SPHKAP: variants seen among roughly 807,000 people sequenced by gnomAD.
SPHKAP encodes the protein SPHK1 interactor, AKAP domain containing, also known as A-kinase anchor protein SPHKAP.
SPHKAP carries 67 observed loss-of-function variants against 137.5 expected under a neutral mutation model. The ratio of observed to expected loss-of-function variants is 0.49; its 90% CI spans 0.40 to 0.60. The LOEUF (loss-of-function observed/expected upper bound fraction) is 0.60, where lower values mean the gene tolerates loss of function less well. Among genes scored for constraint, SPHKAP ranks in the 20% least tolerant of loss-of-function variants. The pLI is 0.00. For synonymous variants in SPHKAP, 813 were observed against 785.3 expected (o/e 1.04, Z -0.59); for missense variants, 2,097 against 2,069.3 (o/e 1.01, Z -0.26).
At chr2:228,092,477 GTATA>G (rs1559169380) in intron 3 of SPHKAP, among the ~76,000 whole-genome samples, 1 of 7,688 alleles carries the variant, frequency 1.3e-4, no homozygotes, top group African/African-American at 6.6e-4. Context: ...CCATATATAT[GTATA>G]CATATATGTG....
intron 2 of SPHKAP, among the ~76,000 whole-genome samples, chr2:228,115,543 G>A (rs951689576): frequency 3.3e-5 from 5 of 151,964 alleles, no homozygotes; most frequent in African/African-American, 9.7e-5. Flanking sequence ...TTAACAATTA[G>A]CAATTATTTA....
intron 1 of SPHKAP, among the ~76,000 whole-genome samples, chr2:228,156,121 G>A (rs1700100772): frequency 6.6e-6 from 1 of 152,164 alleles, no homozygotes; most frequent in Admixed American, 6.6e-5. Context: ...TTTGTAATAA[G>A]ATCTTTTATG....
rs181465483 is a variant in SPHKAP at position 228,130,094 on chromosome 2, C to A, written c.138+1886G>T. Among the ~76,000 whole-genome samples the A allele has an allele frequency of 8.0e-3, 1,220 of 152,232 alleles. 5 individuals carry two copies. The highest frequency in any genetic ancestry group is 0.014 in the Admixed American group (215 of 15,290). Reference sequence around the variant, plus strand: ...TACAGGCATGAGCGACCGTGCCCAGCACCAGTTTTAATTTTTTGAGTAGAC... The same window carrying A: ...TACAGGCATGAGCGACCGTGCCCAGAACCAGTTTTAATTTTTTGAGTAGAC... On this transcript the variant is annotated intron_variant, in intron 2 of 11. Coordinates refer to ENST00000392056, the MANE Select transcript of SPHKAP (RefSeq NM_001142644.2).
chr2:228,145,655 T>C (rs1171803463), intron 1 of SPHKAP, among the ~76,000 whole-genome samples: 2 of 152,086 alleles, frequency 1.3e-5, no homozygotes, highest in Non-Finnish European at 2.9e-5. Context: ...TGTTAGGTAT[T>C]AAAAAATTAT....
intron 1 of SPHKAP, among the ~76,000 whole-genome samples, chr2:228,170,879 T>C (rs941864034): frequency 6.6e-6 from 1 of 152,140 alleles, no homozygotes; most frequent in African/African-American, 2.4e-5. Flanking sequence ...AGAAAAGGTA[T>C]ATGCAATAAA....
intron 3 of SPHKAP, among the ~76,000 whole-genome samples, chr2:228,029,507 C>T (rs192969405): frequency 6.6e-6 from 1 of 152,316 alleles, no homozygotes; most frequent in Admixed American, 6.5e-5. Context: ...GATGCACCAT[C>T]TGCCTGTTAA....
chr2:228,021,901 GT>G lies in SPHKAP; in HGVS notation c.506del (p.Asn169ThrfsTer11). 1 of 1,614,126 alleles carries G rather than the reference GT, an allele frequency of 6.2e-7. No individual in the cohort carries two copies. Among genetic ancestry groups the G allele is most frequent in the Non-Finnish European group, 8.5e-7 (1 of 1,179,974 alleles). On this transcript the variant is annotated frameshift_variant, in exon 6 of 12. Transcript: ENST00000392056. LOFTEE classifies it high-confidence loss of function. ...ATTTGTTGATTTCAAAGATGATGCA[GT>G]TGGTACTGTTTGGTCTGTTCCCTCT... ...CARGNRPNST[N>X]CIIFEINKFL... is the part of the protein sequence containing the mutation.
chr2:228,171,500 A>C (rs1700583772), intron 1 of SPHKAP, among the ~76,000 whole-genome samples: 1 of 152,138 alleles, frequency 6.6e-6, no homozygotes, highest in South Asian at 2.1e-4. Context: ...TCTTCTTAGG[A>C]AGAAATAGTT....
At chr2:228,032,820 C>G in intron 3 of SPHKAP, among the ~76,000 whole-genome samples, 2 of 152,080 alleles carry the variant, frequency 1.3e-5, no homozygotes. Context: ...TACAGACAAG[C>G]AAATACTGAG....
At chr2:228,161,439 A>G (rs1700270258) in intron 1 of SPHKAP, among the ~76,000 whole-genome samples, 1 of 152,208 alleles carries the variant, frequency 6.6e-6, no homozygotes, top group Non-Finnish European at 1.5e-5. Context: ...AGTTCGTAAG[A>G]TATTTGCTCA....
intron 5 of SPHKAP, 111 bp downstream of exon 5, chr2:228,025,283 G>C: frequency 8.6e-7 from 1 of 1,160,732 alleles, no homozygotes; most frequent in Non-Finnish European, 1.2e-6. Flanking sequence ...AAGACACTTT[G>C]ATTCCTATGT....
At position 228,181,518 on chromosome 2, in the gene SPHKAP, A is replaced by G; in HGVS notation, c.32+49T>C. 1 of 1,613,890 alleles carries G rather than the reference A, an allele frequency of 6.2e-7. No homozygotes were observed. Among genetic ancestry groups the G allele is most frequent in the Non-Finnish European group, 8.5e-7 (1 of 1,179,786 alleles). On this transcript the variant is annotated intron_variant, in intron 1 of 11. Transcript: ENST00000392056. This position sits in a 1 kb window ranked among gnomAD's most constrained non-coding sequence, Gnocchi z 4.3. ...GTTGGTGAGCGACTCACAACGCGGA[A>G]CGGAGTTTGATCGACATGGTATTGG...
intron 2 of SPHKAP, among the ~76,000 whole-genome samples, chr2:228,111,581 T>C (rs1364280296): frequency 6.6e-6 from 1 of 152,222 alleles, no homozygotes; most frequent in African/African-American, 2.4e-5. Flanking sequence ...GTAGTATTAA[T>C]AGTTACAGCT....
At chr2:228,016,282 T>C (rs1451468256) in intron 7 of SPHKAP, 124 bp downstream of exon 7, 8 of 1,447,886 alleles carry the variant, frequency 5.5e-6, no homozygotes, top group Non-Finnish European at 7.2e-6. Flanking sequence ...TTTTTTTTTT[T>C]TGGTCTTGAA....
intron 3 of SPHKAP, among the ~76,000 whole-genome samples, chr2:228,060,072 A>T (rs1696584705): frequency 6.6e-6 from 1 of 152,184 alleles, no homozygotes; most frequent in South Asian, 2.1e-4. Flanking sequence ...GACAATTCTG[A>T]TGCTATAGTC....
At chr2:228,094,050 C>A (rs894448463) in intron 3 of SPHKAP, among the ~76,000 whole-genome samples, 6 of 151,858 alleles carry the variant, frequency 4.0e-5, no homozygotes, top group Non-Finnish European at 7.4e-5. Flanking sequence ...GAATAACCAA[C>A]AATCTAAATA....
intron 1 of SPHKAP, among the ~76,000 whole-genome samples, chr2:228,157,547 T>C (rs1215759283): frequency 6.6e-6 from 1 of 152,200 alleles, no homozygotes; most frequent in Non-Finnish European, 1.5e-5. Context: ...GCTGGATAAT[T>C]AGCAATAGTA....
chr2:228,087,406 T>C (rs1697573275), intron 3 of SPHKAP, among the ~76,000 whole-genome samples: 1 of 152,028 alleles, frequency 6.6e-6, no homozygotes, highest in South Asian at 2.1e-4. Flanking sequence ...TGCAAAGAAA[T>C]AAGAACATGT....
At chr2:228,014,910 T>A (rs953269854) in intron 7 of SPHKAP, among the ~76,000 whole-genome samples, 3 of 152,178 alleles carry the variant, frequency 2.0e-5, no homozygotes, top group Non-Finnish European at 4.4e-5. Context: ...TTCCTGTTTT[T>A]TAAATTTAAT....
Sources: allele counts gnomAD v4.1 joint callset (sites outside exome capture counted in the v4.1 genomes callset), GRCh38; gene constraint gnomAD v4.1.1; non-coding constraint Gnocchi (gnomAD v3.1); transcripts MANE v1.5; gene names NCBI Gene and HGNC (gene_info 2026-07-23, HGNC 2026-07-21).